Variants in SNTG2 observed in about 807,000 individuals in gnomAD.
SNTG2 encodes syntrophin gamma 2.
SNTG2 carries 74 observed loss-of-function variants against 70.9 expected under a neutral mutation model. That is an observed-to-expected ratio of 1.04 (90% CI 0.86 to 1.27). The LOEUF (loss-of-function observed/expected upper bound fraction) is 1.27, where lower values mean the gene tolerates loss of function less well. Ranked by LOEUF, SNTG2 falls within the 50% of genes most tolerant of loss-of-function variation. The pLI is 0.00. For missense variants in SNTG2, 717 were observed against 690.7 expected, an observed-to-expected ratio of 1.04 and a Z score of -0.43; for synonymous variants, 278 against 273.8, an observed-to-expected ratio of 1.02 and a Z score of -0.15.
chr2:1,034,598 C>T (rs1332282066), intron 1 of SNTG2, among the ~76,000 whole-genome samples: 1 of 152,214 alleles, frequency 6.6e-6, no homozygotes, highest in East Asian at 1.9e-4. Flanking sequence ...GTTCTCTTTT[C>T]TCTGCAACAT....
chr2:1,068,351 G>C (rs1196118552), intron 1 of SNTG2: 1 of 152,026 alleles, frequency 6.6e-6, no homozygotes, highest in Non-Finnish European at 1.5e-5. Flanking sequence ...TCCTAATATT[G>C]GACATTCAAT....
At chr2:1,114,826 T>C (rs530987246) in intron 4 of SNTG2, among the ~76,000 whole-genome samples, 2 of 152,164 alleles carry the variant, frequency 1.3e-5, no homozygotes, top group East Asian at 1.9e-4. Context: ...TTGAGGAGGA[T>C]TGTGTGTACT....
In SNTG2 at chr2:1,237,899, T is replaced by G. The variant is rs1248934136; in HGVS notation, c.731T>G (p.Phe244Cys). The G allele has an allele frequency of 6.2e-7, 1 of 1,602,956 alleles. No homozygotes were observed. The highest frequency in any genetic ancestry group is 8.5e-7 in the Non-Finnish European group (1 of 1,175,162). Residue 244 changes from phenylalanine (F) to cysteine (C), a missense_variant, in exon 10 of 17, where the codon TTC (phenylalanine) becomes TGC (cysteine). Physicochemically the swap from Phe to Cys is radical, Grantham distance 205. Transcript: ENST00000308624. ...CTCTCCCTCCCCAGGTGGAATGCGTTCGAGGTGCTCGCCCTGGACGGAGTC... is the reference window on the plus strand; with the variant it reads ...CTCTCCCTCCCCAGGTGGAATGCGTGCGAGGTGCTCGCCCTGGACGGAGTC... ...AGTEKLRWNA[F>C]EVLALDGVSS...
At chr2:1,363,037 G>A (rs1661284016) in intron 16 of SNTG2, among the ~76,000 whole-genome samples, 1 of 152,088 alleles carries the variant, frequency 6.6e-6, no homozygotes, top group Admixed American at 6.5e-5. Context: ...GAACTTCCAT[G>A]AAAGTCACCG....
intron 2 of SNTG2, among the ~76,000 whole-genome samples, chr2:1,084,868 C>T (rs1463588487): frequency 3.9e-5 from 6 of 152,274 alleles, no homozygotes; most frequent in East Asian, 1.9e-4. Context: ...GCCAAGCTTT[C>T]GTGTGAGGGC....
chr2:1,366,382 T>G (rs1246477684), intron 16 of SNTG2, among the ~76,000 whole-genome samples: 3 of 152,208 alleles, frequency 2.0e-5, no homozygotes, highest in African/African-American at 7.2e-5. Context: ...TTAACTTCTG[T>G]GTCAGCTTTG....
At chr2:1,339,252 T>C (rs1659966283) in intron 16 of SNTG2, among the ~76,000 whole-genome samples, 2 of 152,350 alleles carry the variant, frequency 1.3e-5, no homozygotes, top group South Asian at 4.1e-4. Flanking sequence ...CTTGATAAAT[T>C]CTGGACATTA....
At chr2:1,224,694 C>A (rs2148056575) in intron 9 of SNTG2, among the ~76,000 whole-genome samples, 1 of 152,360 alleles carries the variant, frequency 6.6e-6, no homozygotes, top group African/African-American at 2.4e-5. Context: ...GCAAAACTAT[C>A]CTCCTGGCTG....
intron 8 of SNTG2, among the ~76,000 whole-genome samples, chr2:1,175,157 A>T (rs1671387123): frequency 6.6e-6 from 1 of 152,196 alleles, no homozygotes. Flanking sequence ...AAGCTGTGAA[A>T]GGTAGAGTTC....
chr2:1,339,965 C>G (rs563221344), intron 16 of SNTG2, among the ~76,000 whole-genome samples: 1 of 152,194 alleles, frequency 6.6e-6, no homozygotes, highest in Non-Finnish European at 1.5e-5. Context: ...CTGGCCGCAT[C>G]GAACTGAAAT....
chr2:1,331,860 A>G lies in SNTG2; in HGVS notation c.1488+15485A>G, dbSNP rs1410029793. Among the ~76,000 whole-genome samples the G allele has an allele frequency of 3.3e-5, 5 of 151,952 alleles. 1 individual carries two copies. The highest frequency in any genetic ancestry group is 4.4e-5 in the Non-Finnish European group (3 of 67,980). On this transcript the variant is annotated intron_variant, in intron 16 of 16. Transcript: ENST00000308624. ...TCATTGCATGTTCAGAAAAATGCAC[A>G]CTCCTGGGCAGGGTACCAGGAAGGC...
chr2:1,138,959 A>ACGCTCACTT (rs1668574980), intron 6 of SNTG2, among the ~76,000 whole-genome samples: 1 of 152,198 alleles, frequency 6.6e-6, no homozygotes. Context: ...ACGCTCACTC[A>ACGCTCACTT]GAATTCATCT....
chr2:952,970 A>G (rs905586419), intron 1 of SNTG2, among the ~76,000 whole-genome samples: 4 of 141,096 alleles, frequency 2.8e-5, no homozygotes, highest in African/African-American at 9.7e-5. Context: ...CATTTCAGTT[A>G]AGAGAACTTG....
At position 1,256,963 on chromosome 2, in the gene SNTG2, C is replaced by T. The variant is rs112281865; in HGVS notation, c.1006-2407C>T. 7.1e-4 allele frequency among the ~76,000 whole-genome samples: 64 copies of T among 90,136 alleles called. No individual in the cohort carries two copies. The East Asian group carries it at 7.8e-3, about 11-fold the overall frequency. The allele number at this position is 90,136 out of a possible 152,430, so 59.1% of individuals were successfully genotyped here. ...CAATGATGAGAAAGACCCACTTCTT[C>T]TTTTTTTTTTTTAATTAATACACTT... On this transcript the variant is annotated intron_variant, in intron 12 of 16. Coordinates refer to ENST00000308624, the MANE Select transcript of SNTG2 (RefSeq NM_018968.4).
intron 14 of SNTG2, among the ~76,000 whole-genome samples, chr2:1,298,305 T>C (rs1002741125): frequency 6.6e-6 from 1 of 151,996 alleles, no homozygotes; most frequent in African/African-American, 2.4e-5. Flanking sequence ...GATAATTTTT[T>C]GTATTTTTGG....
In SNTG2 at chr2:1,088,362, T is replaced by C. The variant is rs190839580; in HGVS notation, c.210+4707T>C. ...GCTTCTTCATGCACTGAGTCAGCTC[T>C]GATGCCTGTGTGTGTCGCCTAACCT... On this transcript the variant is annotated intron_variant, in intron 2 of 16. Transcript: ENST00000308624. 3.9e-5 allele frequency among the ~76,000 whole-genome samples: 6 copies of C among 152,340 alleles called. No individual in the cohort carries two copies. In the East Asian group the frequency reaches 1.2e-3, roughly 29 times the overall value.
At position 1,367,471 on chromosome 2, in the gene SNTG2, C is replaced by T. The variant is rs748154623; in HGVS notation, c.1617C>T (p.Ser539=). ...QSLARKYMYS[S] ...TTGCCAGAAAATACATGTACAGCAGCTAAAGGTTGTTTCTGTTGAGTGCTG... is the reference window on the plus strand; with the variant it reads ...TTGCCAGAAAATACATGTACAGCAGTTAAAGGTTGTTTCTGTTGAGTGCTG... Residue 539 remains serine (S), a synonymous_variant, in exon 17 of 17, where the codon AGC becomes AGT. Coordinates refer to ENST00000308624, the MANE Select transcript of SNTG2 (RefSeq NM_018968.4). 1.9e-6 allele frequency: 3 copies of T among 1,548,966 alleles called. No homozygotes were observed. Among genetic ancestry groups the T allele is most frequent in the Admixed American group, 4.0e-5 (2 of 50,298 alleles).
chr2:1,222,540 G>C (rs1675364663), intron 9 of SNTG2, among the ~76,000 whole-genome samples: 1 of 124,350 alleles, frequency 8.0e-6, no homozygotes, highest in Non-Finnish European at 1.7e-5. Context: ...TGGAGGTGCT[G>C]GATCGCTGTA....
chr2:1,049,401 G>A (rs79529699), intron 1 of SNTG2, among the ~76,000 whole-genome samples: 10,913 of 152,118 alleles, frequency 0.072, 461 homozygotes, highest in Admixed American at 0.093. Context: ...CAGATAGTTG[G>A]ACTCGCACAA....
Sources: allele counts gnomAD v4.1 joint callset (sites outside exome capture counted in the v4.1 genomes callset), GRCh38; gene constraint gnomAD v4.1.1; transcripts MANE v1.5; gene names NCBI Gene and HGNC (gene_info 2026-07-23, HGNC 2026-07-21).